Variants in SORCS2 observed in about 807,000 individuals in gnomAD.
SORCS2 encodes the protein VPS10 domain-containing receptor SorCS2.
In SORCS2, 100 loss-of-function variants were observed where a neutral mutation model predicts 141.6. That is an observed-to-expected ratio of 0.71 (90% CI 0.60 to 0.83). SORCS2 has a LOEUF of 0.83. Among genes scored for constraint, SORCS2 ranks in the 40% least tolerant of loss-of-function variants. SORCS2 has a pLI of 0.00. For synonymous variants in SORCS2, 789 were observed against 676.9 expected (o/e 1.17, Z -2.57); for missense variants, 1,646 against 1,560.2 (o/e 1.05, Z -0.93).
rs899640311 is a variant in SORCS2 at position 7,492,321 on chromosome 4, G to A, written c.549-39209G>A. On this transcript the variant is annotated intron_variant, in intron 2 of 26. Transcript: ENST00000507866. Reference sequence around the variant, plus strand: ...TAAGAAGTTGAACCTATGAGGTCGCGCGGTATTTGTCTTTCTGTGCCTGGC... The same window carrying A: ...TAAGAAGTTGAACCTATGAGGTCGCACGGTATTTGTCTTTCTGTGCCTGGC... Among the ~76,000 whole-genome samples, 9 of 152,168 alleles carry A rather than the reference G, an allele frequency of 5.9e-5. 1 individual carries two copies. Among genetic ancestry groups the A allele is most frequent in the East Asian group, 5.8e-4 (3 of 5,196 alleles).
At chr4:7,372,186 G>C (rs371139746) in intron 1 of SORCS2, among the ~76,000 whole-genome samples, 11 of 152,304 alleles carry the variant, frequency 7.2e-5, no homozygotes, top group African/African-American at 2.6e-4. Context: ...TGATGCGTGT[G>C]AATCTGGTGT....
intron 3 of SORCS2, among the ~76,000 whole-genome samples, chr4:7,538,028 G>A (rs1038117149): frequency 4.6e-5 from 7 of 152,258 alleles, no homozygotes; most frequent in South Asian, 2.1e-4. Context: ...AGCCAATAGA[G>A]GATTGACCCG....
intron 2 of SORCS2, among the ~76,000 whole-genome samples, chr4:7,438,512 T>G (rs11724746): frequency 0.36 from 54,381 of 152,058 alleles, 10,020 homozygotes; most frequent in South Asian, 0.43. Context: ...ATGCATTTAT[T>G]TGCGCACCTG....
At chr4:7,630,422 T>A (rs1719810613) in intron 3 of SORCS2, among the ~76,000 whole-genome samples, 1 of 152,232 alleles carries the variant, frequency 6.6e-6, no homozygotes, top group African/African-American at 2.4e-5. Flanking sequence ...GCAAATGTTT[T>A]GCCTCATTGG....
intron 1 of SORCS2, among the ~76,000 whole-genome samples, chr4:7,274,043 A>T (rs765410196): frequency 6.6e-6 from 1 of 152,140 alleles, no homozygotes; most frequent in Admixed American, 6.5e-5. Flanking sequence ...TTGCAAACAC[A>T]TGTGGATCTC....
chr4:7,392,005 G>A (rs1191086679), intron 1 of SORCS2, among the ~76,000 whole-genome samples: 1 of 152,176 alleles, frequency 6.6e-6, no homozygotes, highest in Non-Finnish European at 1.5e-5. Flanking sequence ...TATTTACAGG[G>A]TTCAGCACAA....
intron 11 of SORCS2, among the ~76,000 whole-genome samples, chr4:7,696,703 C>T (rs780513797): frequency 2.2e-4 from 33 of 152,208 alleles, no homozygotes; most frequent in Admixed American, 3.9e-4. Flanking sequence ...CCCAAATGTC[C>T]ACCCAGCAGA....
chr4:7,402,926 C>A (rs990008703), intron 2 of SORCS2, among the ~76,000 whole-genome samples: 4 of 151,908 alleles, frequency 2.6e-5, no homozygotes, highest in African/African-American at 9.7e-5. Flanking sequence ...TTTTTCTTGA[C>A]CCGTACCTCT....
chr4:7,604,745 A>G (rs987181700), intron 3 of SORCS2, among the ~76,000 whole-genome samples: 6 of 152,204 alleles, frequency 3.9e-5, no homozygotes, highest in African/African-American at 1.2e-4. Flanking sequence ...CTGTGAGTCA[A>G]TTAAAACTTT....
At chr4:7,307,928 G>T (rs1225177190) in intron 1 of SORCS2, among the ~76,000 whole-genome samples, 1 of 152,088 alleles carries the variant, frequency 6.6e-6, no homozygotes, top group African/African-American at 2.4e-5. Context: ...GCATGAGTGT[G>T]CATGCATGGG....
At chr4:7,199,373 T>A (rs918400420) in intron 1 of SORCS2, among the ~76,000 whole-genome samples, 2 of 151,950 alleles carry the variant, frequency 1.3e-5, no homozygotes, top group Non-Finnish European at 2.9e-5. Flanking sequence ...GGGGGTCACA[T>A]GGGCCACAGG....
intron 2 of SORCS2, among the ~76,000 whole-genome samples, chr4:7,481,526 G>C (rs993936192): frequency 1.3e-5 from 2 of 152,238 alleles, no homozygotes; most frequent in African/African-American, 2.4e-5. Flanking sequence ...GCTCTGGAGA[G>C]TTTGGAGAGG....
At chr4:7,700,341 T>C (rs1724981881) in intron 12 of SORCS2, among the ~76,000 whole-genome samples, 2 of 152,202 alleles carry the variant, frequency 1.3e-5, no homozygotes, top group African/African-American at 4.8e-5. Flanking sequence ...CTCTCTTTGC[T>C]GGTACCCAGT....
At chr4:7,512,675 C>G (rs968707353) in intron 2 of SORCS2, among the ~76,000 whole-genome samples, 1 of 151,824 alleles carries the variant, frequency 6.6e-6, no homozygotes, top group African/African-American at 2.4e-5. Context: ...TACCCCTCCC[C>G]GCCCTGCTCA....
At chr4:7,595,505 C>T (rs183108314) in intron 3 of SORCS2, among the ~76,000 whole-genome samples, 17 of 152,282 alleles carry the variant, frequency 1.1e-4, no homozygotes, top group African/African-American at 4.1e-4. Context: ...AATCCCCATC[C>T]CAAAGCTGTC....
chr4:7,659,004 G>A (rs1461684874), intron 5 of SORCS2, among the ~76,000 whole-genome samples: 2 of 152,234 alleles, frequency 1.3e-5, no homozygotes, highest in African/African-American at 4.8e-5. Context: ...CAGTGTCCAT[G>A]AGAGGGACTG....
chr4:7,322,167 G>A (rs1472577179), intron 1 of SORCS2, among the ~76,000 whole-genome samples: 41 of 152,294 alleles, frequency 2.7e-4, no homozygotes, highest in Non-Finnish European at 3.2e-4. Context: ...GCCGGGATGT[G>A]GGCCAAGCCC....
chr4:7,273,166 A>C (rs960422976), intron 1 of SORCS2, among the ~76,000 whole-genome samples: 1 of 152,256 alleles, frequency 6.6e-6, no homozygotes, highest in East Asian at 1.9e-4. Flanking sequence ...AGCATCCCTT[A>C]TGAATATTTA....
chr4:7,588,858 TGTTTG>T (rs148052525), intron 3 of SORCS2, among the ~76,000 whole-genome samples: 1 of 152,328 alleles, frequency 6.6e-6, no homozygotes, highest in East Asian at 1.9e-4. Context: ...TTCTTGCTTT[TGTTTG>T]GTTTGGTTAT....
Sources: gnomAD v4.1 joint callset for allele counts (sites outside exome capture counted in the v4.1 genomes callset) on GRCh38, gnomAD v4.1.1 for gene constraint, MANE v1.5 for transcripts, NCBI Gene and HGNC (gene_info 2026-07-23, HGNC 2026-07-21) for gene names.